BAZ2B: variants seen among roughly 807,000 people sequenced by gnomAD.
BAZ2B encodes bromodomain adjacent to zinc finger domain protein 2B.
BAZ2B carries 91 observed loss-of-function variants against 246.0 expected under a neutral mutation model. That is an observed-to-expected ratio of 0.37 (90% confidence interval 0.31 to 0.44). BAZ2B has a LOEUF of 0.44. BAZ2B is among the 20% of genes least tolerant of loss of function. The pLI is 1.00. For synonymous variants in BAZ2B, 855 were observed against 860.0 expected (o/e 0.99, Z 0.10); for missense variants, 2,332 against 2,533.7 (o/e 0.92, Z 1.71).
chr2:159,465,163 T>C (rs1439903655), intron 3 of BAZ2B, among the ~76,000 whole-genome samples: 1 of 152,150 alleles, frequency 6.6e-6, no homozygotes, highest in Non-Finnish European at 1.5e-5. Flanking sequence ...CTAGGAAACA[T>C]GAGTTCCATG....
chr2:159,547,782 CTTTT>C (rs1425863466), intron 2 of BAZ2B, among the ~76,000 whole-genome samples: 3 of 152,042 alleles, frequency 2.0e-5, no homozygotes, highest in Non-Finnish European at 4.4e-5. Flanking sequence ...GTAAAAGTTT[CTTTT>C]TTTAAGACAG....
At chr2:159,552,039 C>T (rs939508378) in intron 2 of BAZ2B, among the ~76,000 whole-genome samples, 3 of 152,264 alleles carry the variant, frequency 2.0e-5, no homozygotes, top group Middle Eastern at 6.8e-3. Flanking sequence ...GTTTTTCTAA[C>T]CCCAAGTCCA....
intron 3 of BAZ2B, among the ~76,000 whole-genome samples, chr2:159,476,556 G>C (rs1414876359): frequency 1.3e-5 from 2 of 152,096 alleles, no homozygotes; most frequent in African/African-American, 4.8e-5. Context: ...TGACTCATGA[G>C]AACTGCAAGC....
At chr2:159,501,409 A>G (rs1482694930) in intron 2 of BAZ2B, among the ~76,000 whole-genome samples, 2 of 147,898 alleles carry the variant, frequency 1.4e-5, no homozygotes, top group Non-Finnish European at 3.0e-5. Context: ...CATATGCTGT[A>G]CACATACACA....
Position 159,433,375 on chromosome 2 carries a change from T to C in BAZ2B, c.1294-12A>G. The C allele has an allele frequency of 1.3e-6, 2 of 1,587,434 alleles. No homozygotes were observed. The highest frequency in any genetic ancestry group is 1.7e-6 in the Non-Finnish European group (2 of 1,168,820). On this transcript the variant is annotated splice_polypyrimidine_tract_variant and intron_variant, in intron 8 of 36. Coordinates refer to ENST00000392783, the MANE Select transcript of BAZ2B (RefSeq NM_013450.4). ...TGTTTATATTGTTCCTGTTGAAACA[T>C]AAGTTAAAAAACACAACAAAATGTA...
At chr2:159,450,372 C>T (rs1366309757) in intron 4 of BAZ2B, among the ~76,000 whole-genome samples, 2 of 111,640 alleles carry the variant, frequency 1.8e-5, no homozygotes, top group Non-Finnish European at 4.2e-5. Flanking sequence ...GTGAAACTCT[C>T]TCAAAGAAAA....
intron 1 of BAZ2B, among the ~76,000 whole-genome samples, chr2:159,601,103 C>G (rs1407558086): frequency 6.6e-6 from 1 of 152,132 alleles, no homozygotes; most frequent in Non-Finnish European, 1.5e-5. Context: ...TCAAGAGACT[C>G]AGAGAAAAAG....
At position 159,532,216 on chromosome 2, in the gene BAZ2B, A is replaced by G. The variant is rs578054128; in HGVS notation, c.-3+23607T>C. On this transcript the variant is annotated intron_variant, in intron 2 of 36. Transcript: ENST00000392783. The stretch of plus-strand genomic sequence containing the variant: ...TTAACATTTTAAACAAGTGAAACCC[A>G]TTTACATAGTAATAAAATAAAACCA... Among the ~76,000 whole-genome samples the G allele has an allele frequency of 3.3e-5, 5 of 152,328 alleles. No homozygotes were observed. In the South Asian group the frequency reaches 8.3e-4, roughly 25 times the overall value.
At chr2:159,498,363 G>C (rs988087737) in intron 2 of BAZ2B, among the ~76,000 whole-genome samples, 1 of 152,212 alleles carries the variant, frequency 6.6e-6, no homozygotes. Context: ...ATTCCAAGCC[G>C]ATTTAGTTCA....
the BAZ2B span, among the ~76,000 whole-genome samples, chr2:159,624,424 G>C: frequency 6.6e-6 from 1 of 152,228 alleles, no homozygotes; most frequent in Non-Finnish European, 1.5e-5. Context: ...GGGGCTGACA[G>C]ATACCTCATA....
At chr2:159,555,067 GGGGTGT>G (rs2088890930) in intron 2 of BAZ2B, among the ~76,000 whole-genome samples, 1 of 88,260 alleles carries the variant, frequency 1.1e-5, no homozygotes, top group Admixed American at 9.5e-5. Context: ...GTGTATGTGG[GGGGTGT>G]GTGTGTGTGT....
the BAZ2B span, among the ~76,000 whole-genome samples, chr2:159,709,314 GT>G: frequency 6.6e-6 from 1 of 151,762 alleles, no homozygotes; most frequent in African/African-American, 2.4e-5. Flanking sequence ...TGTGGTGGGG[GT>G]GGGGACAAAA....
intron 3 of BAZ2B, among the ~76,000 whole-genome samples, chr2:159,466,689 G>A (rs1036029141): frequency 6.6e-6 from 1 of 152,154 alleles, no homozygotes; most frequent in African/African-American, 2.4e-5. Context: ...GATTATGGAG[G>A]CTGACCCAGG....
At chr2:159,485,844 T>C (rs975502965) in intron 2 of BAZ2B, among the ~76,000 whole-genome samples, 2 of 152,132 alleles carry the variant, frequency 1.3e-5, no homozygotes, top group African/African-American at 4.8e-5. Context: ...AAATTATAGA[T>C]TTCTGTTAAA....
chr2:159,587,707 C>T (rs1463271633), intron 1 of BAZ2B, among the ~76,000 whole-genome samples: 3 of 152,066 alleles, frequency 2.0e-5, no homozygotes, highest in Non-Finnish European at 4.4e-5. Context: ...TCTAATTCTC[C>T]GGATGTACTT....
chr2:159,676,647 G>GCACACACACACA, the BAZ2B span, among the ~76,000 whole-genome samples: 24,984 of 132,272 alleles, frequency 0.19, 3,017 homozygotes, highest in Admixed American at 0.3. Flanking sequence ...GTATCTAAAT[G>GCACACACACACA]CACACACACA....
intron 1 of BAZ2B, among the ~76,000 whole-genome samples, chr2:159,602,804 C>T (rs2151768897): frequency 6.6e-6 from 1 of 152,278 alleles, no homozygotes; most frequent in South Asian, 2.1e-4. Flanking sequence ...ATAAAAAAAG[C>T]TGAGGGATGT....
intron 1 of BAZ2B, among the ~76,000 whole-genome samples, chr2:159,584,787 T>C (rs1168145774): frequency 2.0e-5 from 3 of 152,142 alleles, no homozygotes; most frequent in Non-Finnish European, 4.4e-5. Flanking sequence ...GGTGATTGGA[T>C]CATAGGGGTG....
the BAZ2B span, among the ~76,000 whole-genome samples, chr2:159,652,220 T>G: frequency 3.9e-5 from 6 of 152,058 alleles, no homozygotes; most frequent in African/African-American, 1.4e-4. Flanking sequence ...TCTTTTTTTT[T>G]TTTTTTGAGA....
Sources: gnomAD v4.1 joint callset for allele counts (sites outside exome capture counted in the v4.1 genomes callset) on GRCh38, gnomAD v4.1.1 for gene constraint, MANE v1.5 for transcripts, NCBI Gene and HGNC (gene_info 2026-07-23, HGNC 2026-07-21) for gene names.